Variants in PAPLN observed in about 807,000 individuals in gnomAD.
PAPLN encodes papilin.
PAPLN carries 146 observed loss-of-function variants against 159.0 expected under a neutral mutation model. The ratio of observed to expected loss-of-function variants is 0.92; its 90% CI spans 0.80 to 1.05. The LOEUF is 1.05. PAPLN is among the 50% of genes least tolerant of loss of function. The pLI, the probability that PAPLN is intolerant of heterozygous loss-of-function variation, is 0.00. For synonymous variants in PAPLN, 734 were observed against 702.9 expected (o/e 1.04, Z -0.70); for missense variants, 1,720 against 1,743.9 (o/e 0.99, Z 0.24).
chr14:73,251,976 G>A lies in PAPLN; in HGVS notation c.844-42G>A, dbSNP rs527347472. On this transcript the variant is annotated intron_variant, in intron 9 of 26. Transcript: ENST00000644200. ...GTGAGGCTGCGGAGGGTGTGGGAGT[G>A]CTCCCCAGCAGCAGACCCCAACAAG... 1.8e-5 allele frequency: 29 copies of A among 1,578,452 alleles called. 2 individuals are homozygous for A. In the South Asian group the frequency reaches 3.4e-4, roughly 19 times the overall value.
In PAPLN at chr14:73,253,773, G is replaced by A; in HGVS notation, c.1114G>A (p.Ala372Thr). The change falls in exon 12 of 27, where the codon GCA (alanine) becomes ACA (threonine). Residue 372 changes from alanine to threonine, a missense_variant. Transcript: ENST00000644200. The part of the protein sequence containing the change: ...ETKRWKAGPW[A>T]PCSASCGGGS... The stretch of plus-strand genomic sequence containing the variant: ...TGCCAGCTGGAAGGCAGGGCCATGG[G>A]CACCCTGCTCAGCCTCCTGTGGAGG... 6.2e-7 allele frequency: 1 copy of A among 1,600,576 alleles called. No homozygotes were observed. The highest frequency in any genetic ancestry group is 8.5e-7 in the Non-Finnish European group (1 of 1,169,974).
chr14:73,255,717 T>C (rs1885828123), intron 14 of PAPLN, among the ~76,000 whole-genome samples: 1 of 152,102 alleles, frequency 6.6e-6, no homozygotes, highest in South Asian at 2.1e-4. Context: ...TGTTTGGCCT[T>C]GACTCACTCG....
rs1555363484 is a variant in PAPLN at position 73,259,433 on chromosome 14, T to C, written c.1873T>C (p.Ser625Pro). ...PPYQQPLRSG[S>P]GPHDCRHSPH... ...ATACCAGCAACCCCTGCGGTCGGGC[T>C]CAGGGCCCCACGACTGCAGACACAG... Residue 625 changes from serine (S) to proline (P), a missense_variant, in exon 16 of 27, where the codon TCA (serine) becomes CCA (proline). By Grantham distance (74) the Ser-to-Pro change is moderately conservative. Coordinates refer to ENST00000644200, the MANE Select transcript of PAPLN (RefSeq NM_001365906.3). The C allele has an allele frequency of 6.2e-7, 1 of 1,612,744 alleles. No homozygotes were observed. The highest frequency in any genetic ancestry group is 1.1e-5 in the South Asian group (1 of 90,926).
chr14:73,268,954 T>C (rs752589720), intron 26 of PAPLN, among the ~76,000 whole-genome samples: 2 of 152,144 alleles, frequency 1.3e-5, no homozygotes, highest in Non-Finnish European at 2.9e-5. Flanking sequence ...ATGAAGGAAA[T>C]GATGCTCTGC....
Position 73,252,107 on chromosome 14 carries a change from C to T in PAPLN, c.933C>T (p.Gly311=), listed in dbSNP as rs1445328611. The T allele has an allele frequency of 6.2e-7, 1 of 1,610,172 alleles. No homozygotes were observed. The highest frequency in any genetic ancestry group is 8.5e-7 in the Non-Finnish European group (1 of 1,178,490). Residue 311 remains glycine (G), a synonymous_variant, in exon 10 of 27, where the codon GGC becomes GGT. Transcript: ENST00000644200. ...GCCCCGGCTTCAGCTGGAGCCACGG[C>T]TCATGGAGTGACTGCAGCGCGGAGT... ...RPSPGFSWSH[G]SWSDCSAECG...
chr14:73,266,062 G>A (rs1887181249), intron 23 of PAPLN, among the ~76,000 whole-genome samples: 1 of 152,204 alleles, frequency 6.6e-6, no homozygotes, highest in African/African-American at 2.4e-5. Flanking sequence ...TTTTCGGCCA[G>A]TCGCAGTGGC....
Position 73,254,616 on chromosome 14 carries a change from C to T in PAPLN, c.1406C>T (p.Pro469Leu), listed in dbSNP as rs769987813. ...HTAACSLEDR[P>L]PLTEPCVHED... Reference sequence around the variant, plus strand: ...GCAGCGTGCTCCTTGGAAGACCGGCCACCTCTGACTGAGCCCTGTGTGCAT... The same window carrying T: ...GCAGCGTGCTCCTTGGAAGACCGGCTACCTCTGACTGAGCCCTGTGTGCAT... The change falls in exon 13 of 27, where the codon CCA becomes CTA. Residue 469 changes from proline (P) to leucine (L), a missense_variant. Coordinates refer to ENST00000644200, the MANE Select transcript of PAPLN (RefSeq NM_001365906.3). 1.9e-6 allele frequency: 3 copies of T among 1,613,930 alleles called. No homozygotes were observed. Among genetic ancestry groups the T allele is most frequent in the African/African-American group, 2.7e-5 (2 of 74,894 alleles).
At chr14:73,266,662 AG>A in intron 24 of PAPLN, 34 bp downstream of exon 24, 1 of 1,614,124 alleles carries the variant, frequency 6.2e-7, no homozygotes, top group East Asian at 2.2e-5. Flanking sequence ...CTTTGAGGTC[AG>A]GTGGCATGGG....
At chr14:73,262,046 T>C in intron 18 of PAPLN, 1 of 360,378 alleles carries the variant, frequency 2.8e-6, no homozygotes, top group Non-Finnish European at 5.0e-6. Flanking sequence ...TCAGGTGGTC[T>C]GGTGGCAGGG....
At position 73,251,562 on chromosome 14, in the gene PAPLN, C is replaced by A; in HGVS notation, c.666C>A (p.Phe222Leu). 6.2e-7 allele frequency: 1 copy of A among 1,613,022 alleles called. No homozygotes were observed. The highest frequency in any genetic ancestry group is 8.5e-7 in the Non-Finnish European group (1 of 1,179,902). The change falls in exon 8 of 27, where the codon TTC (phenylalanine) becomes TTA (leucine). Residue 222 changes from phenylalanine (F) to leucine (L), a missense_variant. Coordinates refer to ENST00000644200, the MANE Select transcript of PAPLN (RefSeq NM_001365906.3). ...LIDEAAASRN[F>L]LAVKNVRGEY... ...ACGAGGCTGCTGCCAGCAGGAACTT[C>A]CTGGGTGAGAGCCTAGGGTTAGGTC...
Position 73,251,710 on chromosome 14 carries a change from C to T in PAPLN, c.717C>T (p.Thr239=). The change falls in exon 9 of 27, where the codon ACC becomes ACT. Residue 239 remains threonine, a synonymous_variant. Transcript: ENST00000644200. ...AATACTACCTCAATGGGCACTGGACCATCGAGGCGGCCCGGGCCCTGCCAG... is the reference window on the plus strand; with the variant it reads ...AATACTACCTCAATGGGCACTGGACTATCGAGGCGGCCCGGGCCCTGCCAG... The part of the protein sequence containing the change: ...RGEYYLNGHW[T]IEAARALPAA... 6.2e-7 allele frequency: 1 copy of T among 1,613,386 alleles called. No homozygotes were observed. The highest frequency in any genetic ancestry group is 8.5e-7 in the Non-Finnish European group (1 of 1,180,008).
chr14:73,253,212 A>G, intron 11 of PAPLN: 1 of 1,359,264 alleles, frequency 7.4e-7, no homozygotes, highest in Non-Finnish European at 9.7e-7. Context: ...GGGCCCAGCG[A>G]GTGTGTGGGA....
chr14:73,263,975 G>C (rs1343565785), intron 20 of PAPLN, 193 bp downstream of exon 20: 2 of 1,415,066 alleles, frequency 1.4e-6, no homozygotes, highest in Non-Finnish European at 1.9e-6. Flanking sequence ...TCCTCTGACA[G>C]GTGTGTGTGA....
Position 73,246,052 on chromosome 14 carries a change from G to A in PAPLN, c.232-21G>A, listed in dbSNP as rs777457121. 1.3e-5 allele frequency: 19 copies of A among 1,519,928 alleles called. No homozygotes were observed. In the African/African-American group the frequency reaches 2.4e-4, roughly 19 times the overall value. 94.2% of individuals were successfully genotyped at this position (1,519,928 alleles called of 1,614,324 possible). The stretch of plus-strand genomic sequence containing the variant: ...CTCGGACTCCGCCCTCCTGGATCCC[G>A]ACTTCCCCTCCGCCCCGCAGAGCTG... On this transcript the variant is annotated intron_variant, in intron 4 of 26. Coordinates refer to ENST00000644200, the MANE Select transcript of PAPLN (RefSeq NM_001365906.3).
chr14:73,260,329 T>C (rs1007362698), intron 16 of PAPLN, among the ~76,000 whole-genome samples: 1 of 152,126 alleles, frequency 6.6e-6, no homozygotes, highest in African/African-American at 2.4e-5. Context: ...GTGGGTTCCT[T>C]TGAACCCCCT....
rs1885575384 is a variant in PAPLN, at chr14:73,253,740, C to A, written c.1095-14C>A. ...GCTCCTGGGCCAGCCTTACCTGATT[C>A]CCCCTCCTGCCAGCTGGAAGGCAGG... is the stretch of plus-strand genomic sequence containing the variant. On this transcript the variant is annotated splice_polypyrimidine_tract_variant and intron_variant, in intron 11 of 26. Transcript: ENST00000644200. 6.3e-7 allele frequency: 1 copy of A among 1,581,402 alleles called. No homozygotes were observed.
In PAPLN at chr14:73,265,273, A is replaced by G. The variant is rs1594829275; in HGVS notation, c.3126-97A>G. On this transcript the variant is annotated intron_variant, in intron 22 of 26. Coordinates refer to ENST00000644200, the MANE Select transcript of PAPLN (RefSeq NM_001365906.3). This position sits in a 1 kb window ranked among gnomAD's most constrained non-coding sequence, Gnocchi z 4.1. ...TTTAGGAAGCTGAATCTGGCTGGAG[A>G]GGGAGAAGGGGCCACCAGGCTTGTG... The G allele has an allele frequency of 2.0e-6, 3 of 1,509,324 alleles. No individual in the cohort carries two copies. The highest frequency in any genetic ancestry group is 1.3e-5 in the South Asian group (1 of 78,616). The allele number at this position is 1,509,324 out of a possible 1,614,324, so 93.5% of individuals were successfully genotyped here.
Position 73,271,500 on chromosome 14 carries a change from G to GA in PAPLN, c.3668-992dup, listed in dbSNP as rs762272574. 6.4e-3 allele frequency among the ~76,000 whole-genome samples: 940 copies of GA among 146,906 alleles called. 12 individuals carry two copies. The highest frequency in any genetic ancestry group is 0.023 in the African/African-American group (882 of 38,178). On this transcript the variant is annotated intron_variant, in intron 26 of 26. Coordinates refer to ENST00000644200, the MANE Select transcript of PAPLN (RefSeq NM_001365906.3). ...CAGAAGAGAGATGAAGCAGTAGAAT[G>GA]AAATTTTTTTTTTTTTTTTAAGACA...
At chr14:73,241,754 G>T (rs57092755) in intron 2 of PAPLN, among the ~76,000 whole-genome samples, 7,850 of 152,318 alleles carry the variant, frequency 0.052, 697 homozygotes, top group African/African-American at 0.18. Flanking sequence ...TGCTGTCAGC[G>T]GTCAGTCTGA....
Sources: allele counts gnomAD v4.1 joint callset (sites outside exome capture counted in the v4.1 genomes callset), GRCh38; gene constraint gnomAD v4.1.1; non-coding constraint Gnocchi (gnomAD v3.1); transcripts MANE v1.5; gene names NCBI Gene and HGNC (gene_info 2026-07-23, HGNC 2026-07-21).